The following DACH2 variants were observed in gnomAD, a reference collection of about 807,000 sequenced individuals.
DACH2 encodes dachshund homolog 2.
Under a neutral mutation model 35.8 loss-of-function variants are expected in DACH2, and 17 were observed. The ratio of observed to expected loss-of-function variants is 0.48; its 90% confidence interval spans 0.33 to 0.71. The LOEUF is 0.71. Ranked by LOEUF, DACH2 falls within the 30% of genes least tolerant of loss-of-function variation. The pLI, the probability that DACH2 is intolerant of heterozygous loss-of-function variation, is 0.02. For synonymous variants in DACH2, 195 were observed against 177.3 expected, an observed-to-expected ratio of 1.10 and a Z score of -0.79; for missense variants, 469 against 472.7, an observed-to-expected ratio of 0.99 and a Z score of 0.07.
At chrX:86,611,483 C>T (rs920659982) in intron 3 of DACH2, among the ~76,000 whole-genome samples, 1 of 111,034 alleles carries the variant, frequency 9.0e-6, no homozygotes, top group Non-Finnish European at 1.9e-5. Context: ...TGCACTAGGA[C>T]TTGCTTAAGG....
chrX:86,467,380 G>A (rs890553002), intron 2 of DACH2, among the ~76,000 whole-genome samples: 1 of 111,631 alleles, frequency 9.0e-6, no homozygotes, highest in Admixed American at 9.5e-5. Context: ...ATCTCTATCT[G>A]AGATCAACTC....
At chrX:86,310,283 G>T (rs184695128) in intron 1 of DACH2, among the ~76,000 whole-genome samples, 30 of 111,688 alleles carry the variant, frequency 2.7e-4, no homozygotes, top group Middle Eastern at 4.6e-3. Context: ...ATACATGATT[G>T]GGCACGCTTG....
chrX:86,289,849 C>A (rs143199931), intron 1 of DACH2, among the ~76,000 whole-genome samples: 16,426 of 108,432 alleles, frequency 0.15, 1,246 homozygotes, highest in Admixed American at 0.27. Flanking sequence ...GGTTCCAAGT[C>A]TTTGTTATTG....
intron 4 of DACH2, among the ~76,000 whole-genome samples, chrX:86,652,273 G>T (rs1259456691): frequency 8.9e-6 from 1 of 112,208 alleles, no homozygotes; most frequent in Non-Finnish European, 1.9e-5. Context: ...CAAAGGAAAT[G>T]ATCTCATTGC....
At chrX:86,584,533 G>A (rs1005315279) in intron 3 of DACH2, among the ~76,000 whole-genome samples, 1 of 110,131 alleles carries the variant, frequency 9.1e-6, no homozygotes, top group African/African-American at 3.3e-5. Flanking sequence ...AGATTCTTAA[G>A]GTGGCAGTTT....
chrX:86,510,769 G>C (rs1443029616), intron 2 of DACH2, among the ~76,000 whole-genome samples: 1 of 111,659 alleles, frequency 9.0e-6, no homozygotes, highest in African/African-American at 3.3e-5. Flanking sequence ...TTCCTTTACA[G>C]TGTACATGAG....
At chrX:86,295,585 C>A (rs1032461615) in intron 1 of DACH2, among the ~76,000 whole-genome samples, 1 of 111,300 alleles carries the variant, frequency 9.0e-6, no homozygotes, top group Non-Finnish European at 1.9e-5. Context: ...TGTGGGAACT[C>A]AAGTTTGGAC....
chrX:86,606,349 G>T (rs1475431527), intron 3 of DACH2, among the ~76,000 whole-genome samples: 1 of 105,983 alleles, frequency 9.4e-6, no homozygotes, highest in Admixed American at 1.0e-4. Flanking sequence ...TCTTAGTATT[G>T]CCTTTTCTGT....
intron 3 of DACH2, among the ~76,000 whole-genome samples, chrX:86,548,189 G>A (rs2039001400): frequency 9.0e-6 from 1 of 110,577 alleles, no homozygotes; most frequent in Non-Finnish European, 1.9e-5. Context: ...TGCTTGGGCA[G>A]GTTTAGATAT....
chrX:86,483,837 A>AC (rs977261990), intron 2 of DACH2, among the ~76,000 whole-genome samples: 1 of 109,985 alleles, frequency 9.1e-6, no homozygotes, highest in Non-Finnish European at 1.9e-5. Context: ...GTCTCAAAAA[A>AC]AAATGCAGTC....
At chrX:86,632,938 C>T (rs1362921811) in intron 3 of DACH2, among the ~76,000 whole-genome samples, 1 of 109,617 alleles carries the variant, frequency 9.1e-6, no homozygotes, top group Non-Finnish European at 1.9e-5. Context: ...ACAGCAAAGG[C>T]ACTGCTAAGA....
At chrX:86,828,115 T>C in intron 11 of DACH2, 1 of 188,503 alleles carries the variant, frequency 5.3e-6, no homozygotes, top group Non-Finnish European at 9.9e-6. Context: ...TGGAAGAATT[T>C]TTAAGACAGA....
At chrX:86,512,802 A>G in intron 2 of DACH2, 1 of 301,045 alleles carries the variant, frequency 3.3e-6, no homozygotes, top group Non-Finnish European at 6.3e-6. Flanking sequence ...TTCGAAGTAC[A>G]TAGGATATTT....
chrX:86,436,105 A>G (rs1359749610), intron 2 of DACH2, among the ~76,000 whole-genome samples: 1 of 110,778 alleles, frequency 9.0e-6, no homozygotes, highest in East Asian at 2.9e-4. Context: ...TTATTAGTTT[A>G]TAATGTATTA....
At chrX:86,775,460 C>A (rs1391388051) in intron 7 of DACH2, among the ~76,000 whole-genome samples, 1 of 111,503 alleles carries the variant, frequency 9.0e-6, no homozygotes, top group Non-Finnish European at 1.9e-5. Context: ...GGGATCTAGG[C>A]TGTGGGCTCC....
At chrX:86,320,278 C>T (rs1243317623) in intron 1 of DACH2, among the ~76,000 whole-genome samples, 1 of 112,233 alleles carries the variant, frequency 8.9e-6, no homozygotes, top group Non-Finnish European at 1.9e-5. Context: ...AAAATATACC[C>T]ATAGCTTGGA....
chrX:86,401,917 A>G (rs1010247575), intron 2 of DACH2, among the ~76,000 whole-genome samples: 1 of 111,886 alleles, frequency 8.9e-6, no homozygotes, highest in African/African-American at 3.3e-5. Flanking sequence ...CCACAGAAAC[A>G]GAATTAAACA....
chrX:86,429,508 G>C (rs1290258150), intron 2 of DACH2, among the ~76,000 whole-genome samples: 1 of 106,760 alleles, frequency 9.4e-6, no homozygotes, highest in Non-Finnish European at 1.9e-5. Context: ...ACATATTGTT[G>C]TTAATAAAAT....
At chrX:86,813,542 G>A (rs1470112695) in intron 9 of DACH2, among the ~76,000 whole-genome samples, 1 of 107,685 alleles carries the variant, frequency 9.3e-6, no homozygotes, top group African/African-American at 3.4e-5. Context: ...AACCCGGGAG[G>A]CGGAGGTTGC....
Sources: gnomAD v4.1 joint callset for allele counts (sites outside exome capture counted in the v4.1 genomes callset) on GRCh38, gnomAD v4.1.1 for gene constraint, MANE v1.5 for transcripts, NCBI Gene and HGNC (gene_info 2026-07-23, HGNC 2026-07-21) for gene names.